KCNH7: variants seen among roughly 807,000 people sequenced by gnomAD.
The protein encoded by KCNH7 is potassium voltage-gated channel subfamily H member 7.
Under a neutral mutation model 120.8 loss-of-function variants are expected in KCNH7, and 49 were observed. The observed-to-expected ratio is 0.41, with a 90% CI of 0.32 to 0.51. The LOEUF is 0.51. Ranked by LOEUF, KCNH7 falls within the 20% of genes least tolerant of loss-of-function variation. The pLI is 0.38. For missense variants in KCNH7, 1,097 were observed against 1,446.6 expected (o/e 0.76, Z 3.92); for synonymous variants, 547 against 516.1 (o/e 1.06, Z -0.81).
At chr2:162,516,493 T>G (rs191564075) in intron 4 of KCNH7, among the ~76,000 whole-genome samples, 3 of 151,682 alleles carry the variant, frequency 2.0e-5, no homozygotes. Flanking sequence ...GAATAGAGTA[T>G]GTAATAGGGA....
chr2:162,715,712 G>T (rs1046237791), intron 2 of KCNH7, among the ~76,000 whole-genome samples: 4 of 152,146 alleles, frequency 2.6e-5, no homozygotes, highest in African/African-American at 9.7e-5. Flanking sequence ...AGTTTTGCAA[G>T]TTGTTCCCAT....
chr2:162,799,849 T>C (rs909800631), intron 2 of KCNH7, among the ~76,000 whole-genome samples: 4 of 151,872 alleles, frequency 2.6e-5, no homozygotes, highest in African/African-American at 9.7e-5. Context: ...TCATGAATTA[T>C]ACACTTGTCT....
intron 5 of KCNH7, among the ~76,000 whole-genome samples, chr2:162,511,379 G>C (rs1691066949): frequency 6.7e-6 from 1 of 149,560 alleles, no homozygotes; most frequent in Non-Finnish European, 1.5e-5. Flanking sequence ...AGAACTATCT[G>C]TATCCTGCTT....
chr2:162,730,052 G>A (rs531558651), intron 2 of KCNH7, among the ~76,000 whole-genome samples: 24 of 150,822 alleles, frequency 1.6e-4, no homozygotes, highest in African/African-American at 2.7e-4. Context: ...TAAATACAAC[G>A]TGTGAAAATT....
chr2:162,802,331 C>A (rs1684381561), intron 2 of KCNH7, among the ~76,000 whole-genome samples: 1 of 151,670 alleles, frequency 6.6e-6, no homozygotes, highest in Non-Finnish European at 1.5e-5. Flanking sequence ...AGCTGATGAA[C>A]AGTTTTAAAT....
intron 2 of KCNH7, among the ~76,000 whole-genome samples, chr2:162,805,494 A>T (rs1040315155): frequency 6.6e-6 from 1 of 152,144 alleles, no homozygotes; most frequent in Admixed American, 6.5e-5. Context: ...GCTCAATATC[A>T]CTTATCATCA....
intron 2 of KCNH7, among the ~76,000 whole-genome samples, chr2:162,804,765 C>CAA (rs1684478011): frequency 1.1e-5 from 1 of 91,646 alleles, no homozygotes; most frequent in Non-Finnish European, 2.7e-5. Context: ...TCATATGGAA[C>CAA]CAAAAAAAAA....
chr2:162,807,151 C>T (rs569541434), intron 2 of KCNH7, among the ~76,000 whole-genome samples: 3 of 147,568 alleles, frequency 2.0e-5, no homozygotes, highest in South Asian at 2.2e-4. Context: ...TGGCTCAAGC[C>T]TATAATCCCA....
intron 6 of KCNH7, among the ~76,000 whole-genome samples, chr2:162,458,875 A>T (rs1177726327): frequency 6.6e-6 from 1 of 151,862 alleles, no homozygotes; most frequent in East Asian, 1.9e-4. Flanking sequence ...GCGTGATGGC[A>T]TGTGCCTGTG....
At chr2:162,831,088 A>G (rs1244050187) in intron 2 of KCNH7, among the ~76,000 whole-genome samples, 1 of 152,128 alleles carries the variant, frequency 6.6e-6, no homozygotes, top group Non-Finnish European at 1.5e-5. Context: ...GCAGTAAGAC[A>G]AAGTTGTTAA....
rs546851588 is a variant in KCNH7 at position 162,814,207 on chromosome 2, G to A, written c.307+22330C>T. On this transcript the variant is annotated intron_variant, in intron 2 of 15. Transcript: ENST00000332142. ...AGTAGGTTTGCAGGAAAGTTGGTTA[G>A]TCAGGTGGCATTTGGGAGGCAGCTA... 2.0e-5 allele frequency among the ~76,000 whole-genome samples: 3 copies of A among 152,292 alleles called. No homozygotes were observed. In the East Asian group the frequency reaches 5.8e-4, roughly 29 times the overall value.
At chr2:162,681,957 A>G (rs534813773) in intron 2 of KCNH7, among the ~76,000 whole-genome samples, 1 of 151,806 alleles carries the variant, frequency 6.6e-6, no homozygotes, top group East Asian at 1.9e-4. Context: ...GTCATTTGCT[A>G]CTACTACAGG....
At chr2:162,785,869 TA>T (rs1219121321) in intron 2 of KCNH7, among the ~76,000 whole-genome samples, 6 of 152,212 alleles carry the variant, frequency 3.9e-5, no homozygotes, top group Non-Finnish European at 8.8e-5. Flanking sequence ...ATTGTAACTG[TA>T]CCACTCTTAT....
At chr2:162,561,777 C>A (rs1236730024) in intron 2 of KCNH7, among the ~76,000 whole-genome samples, 1 of 152,166 alleles carries the variant, frequency 6.6e-6, no homozygotes, top group Non-Finnish European at 1.5e-5. Context: ...TTTACTGCAG[C>A]ATTGTTCACA....
chr2:162,379,515 AAGG>A (rs202087988), intron 14 of KCNH7, among the ~76,000 whole-genome samples: 2,093 of 152,282 alleles, frequency 0.014, 131 homozygotes, highest in Admixed American at 0.12. Flanking sequence ...AAAAGTGTAA[AAGG>A]AGGATTAAAA....
At chr2:162,480,088 AG>A (rs1689878992) in intron 6 of KCNH7, among the ~76,000 whole-genome samples, 4 of 152,210 alleles carry the variant, frequency 2.6e-5, no homozygotes, top group Admixed American at 6.5e-5. Context: ...GTTGAAGGCA[AG>A]CATTAGATTA....
At chr2:162,429,977 T>A (rs932576900) in intron 8 of KCNH7, among the ~76,000 whole-genome samples, 3 of 151,842 alleles carry the variant, frequency 2.0e-5, no homozygotes, top group Admixed American at 6.6e-5. Context: ...TTTCTTATAA[T>A]AGCTCTTAAA....
At chr2:162,600,549 T>TA (rs1218066717) in intron 2 of KCNH7, among the ~76,000 whole-genome samples, 1 of 152,124 alleles carries the variant, frequency 6.6e-6, no homozygotes, top group African/African-American at 2.4e-5. Flanking sequence ...GACAAGCCCC[T>TA]AAATGCTCTA....
chr2:162,404,960 A>G (rs566632420), intron 9 of KCNH7, among the ~76,000 whole-genome samples: 5 of 152,144 alleles, frequency 3.3e-5, no homozygotes, highest in East Asian at 3.9e-4. Flanking sequence ...TTTCACATCA[A>G]ATTTGGACAT....
Sources: gnomAD v4.1 joint callset for allele counts (sites outside exome capture counted in the v4.1 genomes callset) on GRCh38, gnomAD v4.1.1 for gene constraint, MANE v1.5 for transcripts, NCBI Gene and HGNC (gene_info 2026-07-23, HGNC 2026-07-21) for gene names.